Variants in MAGI2 observed in about 807,000 individuals in gnomAD.
MAGI2 encodes membrane-associated guanylate kinase, WW and PDZ domain-containing protein 2.
In MAGI2, 35 loss-of-function variants were observed where a neutral mutation model predicts 133.3. The ratio of observed to expected loss-of-function variants is 0.26; its 90% CI spans 0.20 to 0.35. The LOEUF (loss-of-function observed/expected upper bound fraction) is 0.35. Ranked by LOEUF, MAGI2 falls within the 10% of genes least tolerant of loss-of-function variation. The probability of loss-of-function intolerance (pLI) is 1.00; values close to 1 mark genes in which losing one functional copy is unlikely to be tolerated. For missense variants in MAGI2, 1,636 were observed against 1,863.4 expected (o/e 0.88, Z 2.25); for synonymous variants, 729 against 710.6 (o/e 1.03, Z -0.41).
chr7:79,206,715 A>G (rs1041603916), intron 1 of MAGI2, among the ~76,000 whole-genome samples: 1 of 151,984 alleles, frequency 6.6e-6, no homozygotes, highest in Non-Finnish European at 1.5e-5. Flanking sequence ...AACTTATTTT[A>G]TGTGGCCAGT....
intron 3 of MAGI2, among the ~76,000 whole-genome samples, chr7:78,576,035 CATAAAT>C (rs1256256494): frequency 7.2e-5 from 11 of 151,962 alleles, no homozygotes; most frequent in Admixed American, 5.9e-4. Flanking sequence ...TATTTTTGTA[CATAAAT>C]ATAATCTATT....
intron 2 of MAGI2, among the ~76,000 whole-genome samples, chr7:78,720,381 A>G (rs2151198531): frequency 6.6e-6 from 1 of 152,254 alleles, no homozygotes. Context: ...ATCTCATCTT[A>G]TGGATGAAGA....
chr7:79,185,011 G>A (rs1745123481), intron 1 of MAGI2, among the ~76,000 whole-genome samples: 1 of 151,752 alleles, frequency 6.6e-6, no homozygotes, highest in Admixed American at 6.6e-5. Context: ...GGGGGATAAG[G>A]AAAGAATGAG....
intron 1 of MAGI2, among the ~76,000 whole-genome samples, chr7:79,300,848 C>T (rs1039824800): frequency 1.2e-4 from 18 of 152,328 alleles, no homozygotes; most frequent in Non-Finnish European, 1.8e-4. Flanking sequence ...CCCTGCTGCT[C>T]TGTGCAGCCT....
chr7:79,003,384 A>G (rs1807093539), intron 2 of MAGI2, among the ~76,000 whole-genome samples: 1 of 152,224 alleles, frequency 6.6e-6, no homozygotes, highest in Non-Finnish European at 1.5e-5. Flanking sequence ...TTACTCTTAT[A>G]TAGTTATAAG....
At chr7:78,099,638 A>T (rs1428098130) in intron 20 of MAGI2, among the ~76,000 whole-genome samples, 2 of 152,216 alleles carry the variant, frequency 1.3e-5, no homozygotes, top group East Asian at 3.9e-4. Flanking sequence ...CCAAACTCTT[A>T]TTCCATAATT....
intron 9 of MAGI2, among the ~76,000 whole-genome samples, chr7:78,268,774 A>G (rs1261542891): frequency 1.3e-5 from 2 of 152,204 alleles, no homozygotes; most frequent in Non-Finnish European, 2.9e-5. Context: ...AAAGTATTAC[A>G]TAATGTAAAC....
At chr7:79,060,176 C>T (rs1813592181) in intron 1 of MAGI2, among the ~76,000 whole-genome samples, 1 of 151,868 alleles carries the variant, frequency 6.6e-6, no homozygotes. Context: ...CAGAAAATCT[C>T]CAGTACAAAG....
In MAGI2 at chr7:78,849,122, T is replaced by C. The variant is rs564562676; in HGVS notation, c.418+157968A>G. ...CTAATTTAGTGTTATTAATATTTAT[T>C]GTAAACTTCCTACACATAAGAGACT... On this transcript the variant is annotated intron_variant, in intron 2 of 21. Coordinates refer to ENST00000354212, the MANE Select transcript of MAGI2 (RefSeq NM_012301.4). Among the ~76,000 whole-genome samples the C allele has an allele frequency of 3.2e-4, 48 of 152,222 alleles. No homozygotes were observed. In the South Asian group the frequency reaches 9.9e-3, roughly 32 times the overall value.
chr7:78,800,360 G>A (rs1028466314), intron 2 of MAGI2, among the ~76,000 whole-genome samples: 3 of 152,040 alleles, frequency 2.0e-5, no homozygotes, highest in Non-Finnish European at 4.4e-5. Context: ...AGGGATCCAG[G>A]CCTTCCATAT....
intron 2 of MAGI2, among the ~76,000 whole-genome samples, chr7:78,786,454 T>C (rs1323562191): frequency 6.6e-6 from 1 of 152,178 alleles, no homozygotes; most frequent in Non-Finnish European, 1.5e-5. Flanking sequence ...GTCATAAAAG[T>C]GACATATGAG....
At chr7:78,423,393 T>C (rs1360300839) in intron 6 of MAGI2, among the ~76,000 whole-genome samples, 2 of 152,194 alleles carry the variant, frequency 1.3e-5, no homozygotes, top group Admixed American at 1.3e-4. Context: ...ACCTCTTTCT[T>C]TTGTAAATTG....
chr7:78,048,398 C>T (rs1811651397), intron 21 of MAGI2, among the ~76,000 whole-genome samples: 1 of 152,146 alleles, frequency 6.6e-6, no homozygotes. Flanking sequence ...ATGACTGTCA[C>T]AATGGATGTG....
At chr7:79,100,359 G>C (rs1188813245) in intron 1 of MAGI2, among the ~76,000 whole-genome samples, 4 of 151,756 alleles carry the variant, frequency 2.6e-5, no homozygotes, top group African/African-American at 9.7e-5. Flanking sequence ...ATATATCTGT[G>C]ATAGACAGAC....
At chr7:78,974,388 T>C (rs1244514789) in intron 2 of MAGI2, among the ~76,000 whole-genome samples, 1 of 151,888 alleles carries the variant, frequency 6.6e-6, no homozygotes, top group Non-Finnish European at 1.5e-5. Flanking sequence ...AGATCTATGC[T>C]TGTTAGCCAA....
At chr7:78,379,316 T>C (rs1794715941) in intron 6 of MAGI2, among the ~76,000 whole-genome samples, 1 of 151,942 alleles carries the variant, frequency 6.6e-6, no homozygotes, top group South Asian at 2.1e-4. Context: ...CCTGTAAAGA[T>C]GACACACATT....
intron 21 of MAGI2, among the ~76,000 whole-genome samples, chr7:78,050,161 G>A (rs3807769): frequency 0.33 from 49,755 of 151,964 alleles, 8,446 homozygotes; most frequent in Non-Finnish European, 0.36. Flanking sequence ...TCCTCAACTC[G>A]TTTTGCTAGC....
chr7:78,371,586 T>C (rs754537125), intron 6 of MAGI2, among the ~76,000 whole-genome samples: 2 of 152,006 alleles, frequency 1.3e-5, no homozygotes, highest in Admixed American at 6.6e-5. Context: ...AGTAAATTAC[T>C]AGTTCTAAGC....
chr7:79,076,343 T>C (rs950576383), intron 1 of MAGI2, among the ~76,000 whole-genome samples: 2 of 152,246 alleles, frequency 1.3e-5, no homozygotes, highest in Non-Finnish European at 2.9e-5. Context: ...GTGGTCTCTG[T>C]AACACAGCAG....
Sources: allele counts gnomAD v4.1 joint callset (sites outside exome capture counted in the v4.1 genomes callset), GRCh38; gene constraint gnomAD v4.1.1; transcripts MANE v1.5; gene names NCBI Gene and HGNC (gene_info 2026-07-23, HGNC 2026-07-21).